Variants in ZNF646 observed in about 807,000 individuals in gnomAD.
The protein encoded by ZNF646 is zinc finger protein 646.
A neutral mutation model predicts 115.4 loss-of-function variants in ZNF646; 49 were observed. That is an observed-to-expected ratio of 0.42 (90% CI 0.34 to 0.54). ZNF646 has a LOEUF of 0.54. ZNF646 is among the 20% of genes least tolerant of loss of function. ZNF646 has a pLI of 0.04. For missense variants in ZNF646, 2,269 were observed against 2,457.9 expected (o/e 0.92, Z 1.62); for synonymous variants, 933 against 939.0 (o/e 0.99, Z 0.12).
chr16:31,079,652 C>A lies in ZNF646; in HGVS notation c.3328C>A (p.Gln1110Lys), dbSNP rs1182045675. ...CCCTCGCTGCAAAGGCTCTGAGCCC[C>A]AGGTTGGGCCCATCCCAGAGGCAGC... ...NHPRCKGSEP[Q>K]VGPIPEAAGS... Residue 1110 changes from glutamine (Q) to lysine (K), a missense_variant, in exon 2 of 3, where the codon CAG (glutamine) becomes AAG (lysine). Around this residue, in one of 5 missense-constraint regions of ZNF646, gnomAD observed 1,062 missense variants for 1,172.8 expected, o/e 0.91. Transcript: ENST00000300850. This position sits in a 1 kb window ranked among gnomAD's most constrained non-coding sequence, Gnocchi z 5.5. 1 of 1,613,436 alleles carries A rather than the reference C, an allele frequency of 6.2e-7. No individual in the cohort carries two copies.
rs757118528 is a variant in ZNF646, at chr16:31,077,606, C to A, written c.1282C>A (p.Gln428Lys). 34 of 1,613,526 alleles carry A rather than the reference C, an allele frequency of 2.1e-5. No homozygotes were observed. The highest frequency in any genetic ancestry group is 3.3e-5 in the Admixed American group (2 of 59,944). ...TGTGCGGGCTCATCACAGGCCCAGG[C>A]AAGGAGTTGGGGAAAATGGGCAGCC... The part of the protein sequence containing the change: ...NHVRAHHRPR[Q>K]GVGENGQPSV... The change falls in exon 2 of 3, where the codon CAA becomes AAA. Residue 428 changes from glutamine to lysine, a missense_variant. Gln to Lys is a moderately conservative substitution (Grantham distance 53). Coordinates refer to ENST00000300850, the MANE Select transcript of ZNF646 (RefSeq NM_014699.4).
In ZNF646 at chr16:31,077,199, G is replaced by A. The variant is rs761580029; in HGVS notation, c.875G>A (p.Arg292Gln). ...CACTCTCGACTGCATGCCCAGTATC[G>A]GCCTTACCACTGTCCCCACTGCCCC... ...KNHSRLHAQY[R>Q]PYHCPHCPRV... is the part of the protein sequence containing the mutation. The change falls in exon 2 of 3, where the codon CGG (arginine) becomes CAG (glutamine). Residue 292 changes from arginine (R) to glutamine (Q), a missense_variant. By Grantham distance (43) the Arg-to-Gln change is conservative. This residue lies in a region of ZNF646 where 852 missense variants were observed against 900.2 expected (regional missense o/e 0.95). Transcript: ENST00000300850. 8 of 1,614,110 alleles carry A rather than the reference G, an allele frequency of 5.0e-6. No individual in the cohort carries two copies. Among genetic ancestry groups the A allele is most frequent in the Admixed American group, 1.7e-5 (1 of 60,020 alleles).
Position 31,081,661 on chromosome 16 carries a change from CCAG to C in ZNF646, c.5346_5348del (p.Gln1782del). ...GCCGCCGAATCAGCTTCGTGCAGCA[CCAG>C]CAGCAGCACCAGGAGGAGTGGACGG... On this transcript the variant is annotated inframe_deletion, in exon 2 of 3. Coordinates refer to ENST00000300850, the MANE Select transcript of ZNF646 (RefSeq NM_014699.4). The C allele has an allele frequency of 6.2e-7, 1 of 1,603,474 alleles. No homozygotes were observed. Among genetic ancestry groups the C allele is most frequent in the Non-Finnish European group, 8.5e-7 (1 of 1,173,938 alleles).
chr16:31,078,178 C>A lies in ZNF646; in HGVS notation c.1854C>A (p.Ala618=). 6.2e-7 allele frequency: 1 copy of A among 1,614,076 alleles called. No homozygotes were observed. Among genetic ancestry groups the A allele is most frequent in the Non-Finnish European group, 8.5e-7 (1 of 1,180,048 alleles). Reference sequence around the variant, plus strand: ...CAATGTCACCTCCTAGGGCCTTTGCCTGCCGAGACTGTGGAAAGAGCTATC... The same window carrying A: ...CAATGTCACCTCCTAGGGCCTTTGCATGCCGAGACTGTGGAAAGAGCTATC... The part of the protein sequence containing the change: ...ETTMSPPRAF[A]CRDCGKSYRH... Residue 618 remains alanine (A), a synonymous_variant, in exon 2 of 3, where the codon GCC becomes GCA. Transcript: ENST00000300850.
chr16:31,079,155 T>G lies in ZNF646; in HGVS notation c.2831T>G (p.Leu944Arg), dbSNP rs375925107. 6 of 1,609,462 alleles carry G rather than the reference T, an allele frequency of 3.7e-6. No homozygotes were observed. The East Asian group carries it at 8.9e-5, about 24-fold the overall frequency. The stretch of plus-strand genomic sequence containing the variant: ...TCGGAAGCAGAGCTGCTGAATCAGC[T>G]GCAGCGGGAGGTGGAAGCGCTGGAC... ...QLSEAELLNQ[L>R]QREVEALDSA... Residue 944 changes from leucine to arginine, a missense_variant, in exon 2 of 3, where the codon CTG (leucine) becomes CGG (arginine). Transcript: ENST00000300850. The surrounding 1 kb of genome is among the most constrained non-coding windows in gnomAD (Gnocchi z 5.5).
In ZNF646 at chr16:31,083,197, C is replaced by T. The variant is rs2057188121; in HGVS notation, c.*105C>T. 3 of 1,471,958 alleles carry T rather than the reference C, an allele frequency of 2.0e-6. No homozygotes were observed. The highest frequency in any genetic ancestry group is 2.5e-5 in the Admixed American group (1 of 40,140). 91.2% of individuals were successfully genotyped at this position (1,471,958 alleles called of 1,614,324 possible). ...TAGTTCGGGCATCCCCATATCTTCT[C>T]CTCTCCCCTTGTGAAGAGGACCCAG... On this transcript the variant is annotated 3_prime_UTR_variant, in exon 3 of 3. Coordinates refer to ENST00000300850, the MANE Select transcript of ZNF646 (RefSeq NM_014699.4).
intron 2 of ZNF646, 54 bp from the exon 3 acceptor site, chr16:31,082,917 A>G: frequency 4.5e-6 from 7 of 1,541,408 alleles, no homozygotes; most frequent in Middle Eastern, 1.7e-4. Flanking sequence ...GAGGGGGTAC[A>G]CGCTGTGCGG....
In ZNF646 at chr16:31,083,235, T is replaced by C; in HGVS notation, c.*143T>C. 3 of 1,283,144 alleles carry C rather than the reference T, an allele frequency of 2.3e-6. No individual in the cohort carries two copies. Among genetic ancestry groups the C allele is most frequent in the East Asian group, 5.4e-5 (2 of 36,800 alleles). 79.5% of individuals were successfully genotyped at this position (1,283,144 alleles called of 1,614,324 possible). A position where few individuals can be genotyped will look rare whatever the true frequency, so the allele number is the denominator to read the frequency against. On this transcript the variant is annotated 3_prime_UTR_variant, in exon 3 of 3. Coordinates refer to ENST00000300850, the MANE Select transcript of ZNF646 (RefSeq NM_014699.4). ...GAAGAGGACCCAGATCTGGCTTCTTTCCCAAGGAGGGGGTGGGGTGTTCCT... is the reference window on the plus strand; with the variant it reads ...GAAGAGGACCCAGATCTGGCTTCTTCCCCAAGGAGGGGGTGGGGTGTTCCT...
rs1398010938 is a variant in ZNF646, at chr16:31,078,477, G to A, written c.2153G>A (p.Gly718Glu). 1 of 1,589,084 alleles carries A rather than the reference G, an allele frequency of 6.3e-7. No individual in the cohort carries two copies. Among genetic ancestry groups the A allele is most frequent in the Non-Finnish European group, 8.6e-7 (1 of 1,164,862 alleles). The change falls in exon 2 of 3, where the codon GGG becomes GAG. Residue 718 changes from glycine (G) to glutamate (E), a missense_variant. Gly to Glu is a moderately conservative substitution (Grantham distance 98). Coordinates refer to ENST00000300850, the MANE Select transcript of ZNF646 (RefSeq NM_014699.4). ...PQDPSGESPH[G>E]AEGNLESDGD... ...GACCCTTCAGGGGAAAGTCCTCATG[G>A]GGCTGAAGGCAACCTGGAAAGTGAT... is the stretch of plus-strand genomic sequence containing the variant.
Position 31,081,973 on chromosome 16 carries a change from G to A in ZNF646, c.5377+272G>A, listed in dbSNP as rs186620629. ...GCTACCTGGGCTCCTCCATTACACT[G>A]TAGCCAGAATGGAATGGTCTTTCTG... On this transcript the variant is annotated intron_variant, in intron 2 of 2. Coordinates refer to ENST00000300850, the MANE Select transcript of ZNF646 (RefSeq NM_014699.4). 4.7e-5 allele frequency: 24 copies of A among 515,712 alleles called. No homozygotes were observed. The Admixed American group carries it at 8.6e-4, about 18-fold the overall frequency. 31.9% of individuals were successfully genotyped at this position (515,712 alleles called of 1,614,324 possible). A position where few individuals can be genotyped will look rare whatever the true frequency, so the allele number is the denominator to read the frequency against.
At position 31,079,173 on chromosome 16, in the gene ZNF646, C is replaced by T. The variant is rs766926933; in HGVS notation, c.2849C>T (p.Ala950Val). The T allele has an allele frequency of 1.4e-5, 22 of 1,612,654 alleles. No individual in the cohort carries two copies. Among genetic ancestry groups the T allele is most frequent in the Middle Eastern group, 3.3e-4 (2 of 6,080 alleles). The change falls in exon 2 of 3, where the codon GCG becomes GTG. Residue 950 changes from alanine to valine, a missense_variant. Around this residue, in one of 5 missense-constraint regions of ZNF646, gnomAD observed 852 missense variants for 900.2 expected, o/e 0.95. Coordinates refer to ENST00000300850, the MANE Select transcript of ZNF646 (RefSeq NM_014699.4). The surrounding 1 kb of genome is among the most constrained non-coding windows in gnomAD (Gnocchi z 5.5). ...LLNQLQREVE[A>V]LDSAGYGHIC... ...AATCAGCTGCAGCGGGAGGTGGAAG[C>T]GCTGGACAGTGCAGGGTATGGGCAC... is the stretch of plus-strand genomic sequence containing the variant.
chr16:31,080,309 C>A lies in ZNF646; in HGVS notation c.3985C>A (p.Pro1329Thr), dbSNP rs772491161. 1 of 1,613,434 alleles carries A rather than the reference C, an allele frequency of 6.2e-7. No individual in the cohort carries two copies. The change falls in exon 2 of 3, where the codon CCC becomes ACC. Residue 1329 changes from proline to threonine, a missense_variant. By Grantham distance (38) the Pro-to-Thr change is conservative. Transcript: ENST00000300850. Reference protein sequence around the residue: ...RSHETGQYSCPTCPKTYSNRM... With the variant: ...RSHETGQYSCTTCPKTYSNRM... ...CCACGAGACGGGCCAGTACAGCTGCCCCACCTGCCCCAAGACCTACTCCAA... is the reference window on the plus strand; with the variant it reads ...CCACGAGACGGGCCAGTACAGCTGCACCACCTGCCCCAAGACCTACTCCAA...
Position 31,081,687 on chromosome 16 carries a change from C to A in ZNF646, c.5363C>A (p.Thr1788Lys). 1 of 1,588,590 alleles carries A rather than the reference C, an allele frequency of 6.3e-7. No individual in the cohort carries two copies. ...CAGCAGCAGCACCAGGAGGAGTGGA[C>A]GGTGGCCGGCTCCGGTAGGGGGCAT... is the stretch of plus-strand genomic sequence containing the variant. ...QHQQQHQEEW[T>K]VAGSGAPVAP... Residue 1788 changes from threonine to lysine, a missense_variant, in exon 2 of 3, where the codon ACG becomes AAG. By Grantham distance (78) the Thr-to-Lys change is moderately conservative (BLOSUM62 -1). Around this residue, in one of 5 missense-constraint regions of ZNF646, gnomAD observed 1,062 missense variants for 1,172.8 expected, o/e 0.91. Transcript: ENST00000300850.
intron 1 of ZNF646, 200 bp from the exon 2 acceptor site, chr16:31,076,046 G>A: frequency 2.4e-6 from 1 of 411,958 alleles, no homozygotes; most frequent in Non-Finnish European, 4.3e-6. Context: ...TTAAGCCTAG[G>A]GGAGCTCCTA....
In ZNF646 at chr16:31,082,401, G is replaced by A. The variant is rs376379634; in HGVS notation, c.5378-570G>A. 35 of 175,784 alleles carry A rather than the reference G, an allele frequency of 2.0e-4. 1 individual carries two copies. In the East Asian group the frequency reaches 5.5e-3, roughly 28 times the overall value. 10.9% of individuals were successfully genotyped at this position (175,784 alleles called of 1,614,324 possible). ...CAACCAAACCACCCTTTCTACCTGC[G>A]CACCCTGCCACCCTCTGCACACCTT... is the stretch of plus-strand genomic sequence containing the variant. On this transcript the variant is annotated intron_variant, in intron 2 of 2. Transcript: ENST00000300850.
At chr16:31,075,221 A>G (rs1270094940) in intron 1 of ZNF646, among the ~76,000 whole-genome samples, 1 of 152,194 alleles carries the variant, frequency 6.6e-6, no homozygotes, top group Non-Finnish European at 1.5e-5. Context: ...ACAACCTGGT[A>G]TTGATGTTAT....
In ZNF646 at chr16:31,077,015, C is replaced by T. The variant is rs190691986; in HGVS notation, c.691C>T (p.Pro231Ser). The change falls in exon 2 of 3, where the codon CCT becomes TCT. Residue 231 changes from proline (P) to serine (S), a missense_variant. By Grantham distance (74) the Pro-to-Ser change is moderately conservative. This residue lies in a region of ZNF646 where 334 missense variants were observed against 323.5 expected (regional missense o/e 1.03). Transcript: ENST00000300850. ...FTGGQEPTQS[P>S]PAEEERRYKC... ...AGGGGGCCAGGAGCCCACCCAGTCC[C>T]CTCCTGCTGAGGAGGAGCGGCGGTA... 59 of 1,613,998 alleles carry T rather than the reference C, an allele frequency of 3.7e-5. No homozygotes were observed. The Admixed American group carries it at 9.2e-4, about 25-fold the overall frequency.
chr16:31,077,942 G>A lies in ZNF646; in HGVS notation c.1618G>A (p.Asp540Asn). 1.9e-6 allele frequency: 3 copies of A among 1,613,908 alleles called. No homozygotes were observed. The highest frequency in any genetic ancestry group is 2.5e-6 in the Non-Finnish European group (3 of 1,180,030). ...CCACCTCAAGGTAGAACTCCCGCCT[G>A]ACCCAGTGGAGGCAGAGGCAGCCCC... ...PSHLKVELPP[D>N]PVEAEAAPHT... The change falls in exon 2 of 3, where the codon GAC (aspartate) becomes AAC (asparagine). Residue 540 changes from aspartate to asparagine, a missense_variant. By Grantham distance (23) the Asp-to-Asn change is conservative. This residue lies in a region of ZNF646 where 852 missense variants were observed against 900.2 expected (regional missense o/e 0.95). Coordinates refer to ENST00000300850, the MANE Select transcript of ZNF646 (RefSeq NM_014699.4).
rs1596772132 is a variant in ZNF646 at position 31,078,912 on chromosome 16, T to C, written c.2588T>C (p.Leu863Pro). 6.2e-7 allele frequency: 1 copy of C among 1,613,614 alleles called. No homozygotes were observed. The highest frequency in any genetic ancestry group is 8.5e-7 in the Non-Finnish European group (1 of 1,180,020). ...AAGGAGTTTGACTCTCTGCCTGCCC[T>C]CCGCAGCCACTTCCAGAACCATAGG... ...CPKEFDSLPALRSHFQNHRPG... is the reference protein window; with the variant it reads ...CPKEFDSLPAPRSHFQNHRPG... The change falls in exon 2 of 3, where the codon CTC (leucine) becomes CCC (proline). Residue 863 changes from leucine to proline, a missense_variant. This residue lies in a region of ZNF646 where 852 missense variants were observed against 900.2 expected (regional missense o/e 0.95). Coordinates refer to ENST00000300850, the MANE Select transcript of ZNF646 (RefSeq NM_014699.4).
Sources: allele counts gnomAD v4.1 joint callset (sites outside exome capture counted in the v4.1 genomes callset), GRCh38; gene constraint gnomAD v4.1.1; regional missense constraint gnomAD v4.1.1; non-coding constraint Gnocchi (gnomAD v3.1); transcripts MANE v1.5; gene names NCBI Gene and HGNC (gene_info 2026-07-23, HGNC 2026-07-21).